Variants in SNTG1 observed in about 807,000 individuals in gnomAD.
SNTG1 encodes gamma-1-syntrophin.
A neutral mutation model predicts 74.7 loss-of-function variants in SNTG1; 39 were observed. The ratio of observed to expected loss-of-function variants is 0.52; its 90% CI spans 0.40 to 0.68. The LOEUF (loss-of-function observed/expected upper bound fraction) is 0.68. SNTG1 is among the 30% of genes least tolerant of loss of function. The probability of loss-of-function intolerance (pLI) is 0.00; values close to 1 mark genes in which losing one functional copy is unlikely to be tolerated. For missense variants in SNTG1, 685 were observed against 609.5 expected, an observed-to-expected ratio of 1.12 and a Z score of -1.30; for synonymous variants, 254 against 217.1, an observed-to-expected ratio of 1.17 and a Z score of -1.49.
At chr8:50,419,395 G>C (rs2093053730) in intron 4 of SNTG1, among the ~76,000 whole-genome samples, 1 of 152,136 alleles carries the variant, frequency 6.6e-6, no homozygotes, top group South Asian at 2.1e-4. Context: ...GTGGTATTAG[G>C]GAAATCATAA....
At chr8:50,063,864 T>C (rs1018371379) in intron 1 of SNTG1, among the ~76,000 whole-genome samples, 5 of 152,340 alleles carry the variant, frequency 3.3e-5, no homozygotes, top group African/African-American at 1.2e-4. Flanking sequence ...TTGTTATAGA[T>C]GTCAGTGATG....
chr8:50,741,326 T>G (rs1484089005), intron 17 of SNTG1, among the ~76,000 whole-genome samples: 1 of 152,054 alleles, frequency 6.6e-6, no homozygotes, highest in Non-Finnish European at 1.5e-5. Flanking sequence ...TTTCGCCATG[T>G]TGGCCAGGCT....
At chr8:50,331,232 T>C (rs1368074253) in intron 2 of SNTG1, among the ~76,000 whole-genome samples, 5 of 152,130 alleles carry the variant, frequency 3.3e-5, no homozygotes, top group Non-Finnish European at 7.3e-5. Context: ...GCTTGTTGTA[T>C]TTTTTACTAA....
At chr8:50,070,316 T>G (rs1296953103) in intron 1 of SNTG1, among the ~76,000 whole-genome samples, 1 of 152,166 alleles carries the variant, frequency 6.6e-6, no homozygotes, top group Non-Finnish European at 1.5e-5. Context: ...GTGGCTCCCA[T>G]AATTTAAAAA....
intron 10 of SNTG1, among the ~76,000 whole-genome samples, chr8:50,535,102 A>G (rs1488630812): frequency 6.6e-6 from 1 of 152,164 alleles, no homozygotes; most frequent in Admixed American, 6.5e-5. Context: ...TTTTAGATAT[A>G]TTGAAAATAG....
intron 1 of SNTG1, among the ~76,000 whole-genome samples, chr8:50,133,457 C>T (rs1269931372): frequency 6.6e-6 from 1 of 152,150 alleles, no homozygotes; most frequent in Non-Finnish European, 1.5e-5. Context: ...AGCTCCCTTC[C>T]TTTGGTACTA....
chr8:50,072,176 T>A (rs1164969348), intron 1 of SNTG1, among the ~76,000 whole-genome samples: 2 of 152,202 alleles, frequency 1.3e-5, no homozygotes, highest in African/African-American at 4.8e-5. Context: ...GGACAAGTAA[T>A]ATGTTTCTTG....
At chr8:50,086,552 G>A (rs1364134836) in intron 1 of SNTG1, among the ~76,000 whole-genome samples, 1 of 152,082 alleles carries the variant, frequency 6.6e-6, no homozygotes, top group Admixed American at 6.6e-5. Flanking sequence ...ATGAATGTCT[G>A]TATCATTTAT....
At chr8:50,635,213 G>A (rs1218394598) in intron 13 of SNTG1, among the ~76,000 whole-genome samples, 3 of 152,000 alleles carry the variant, frequency 2.0e-5, no homozygotes, top group Non-Finnish European at 2.9e-5. Context: ...ACTGCCCCTG[G>A]GACTCAATAC....
intron 11 of SNTG1, 46 bp downstream of exon 11, chr8:50,536,854 G>A (rs777521717): frequency 6.2e-7 from 1 of 1,602,560 alleles, no homozygotes; most frequent in Non-Finnish European, 8.5e-7. Flanking sequence ...TATGAAAAAA[G>A]AGACCTTTTA....
At chr8:50,127,117 T>C (rs1007779565) in intron 1 of SNTG1, among the ~76,000 whole-genome samples, 1 of 152,104 alleles carries the variant, frequency 6.6e-6, no homozygotes, top group Non-Finnish European at 1.5e-5. Context: ...TGTGTCCTAC[T>C]GATTCTTTAA....
chr8:50,519,006 G>C (rs1484930398), intron 9 of SNTG1, among the ~76,000 whole-genome samples: 2 of 152,086 alleles, frequency 1.3e-5, no homozygotes, highest in Non-Finnish European at 2.9e-5. Context: ...AACAAAAAAA[G>C]AAAATTGCAG....
Position 50,400,122 on chromosome 8 carries a change from C to T in SNTG1, c.28-2088C>T, listed in dbSNP as rs189991708. Reference sequence around the variant, plus strand: ...AAATATATTCCCATCAATATTACAGCGGATTCTTTTAAAGTAGCAGACTCC... The same window carrying T: ...AAATATATTCCCATCAATATTACAGTGGATTCTTTTAAAGTAGCAGACTCC... On this transcript the variant is annotated intron_variant, in intron 3 of 18. Coordinates refer to ENST00000642720, the MANE Select transcript of SNTG1 (RefSeq NM_018967.5). Among the ~76,000 whole-genome samples, 240 of 152,234 alleles carry T rather than the reference C, an allele frequency of 1.6e-3. 2 individuals carry two copies. The highest frequency in any genetic ancestry group is 0.01 in the Middle Eastern group (3 of 294).
At chr8:50,673,779 C>A (rs1216312003) in intron 15 of SNTG1, among the ~76,000 whole-genome samples, 1 of 152,034 alleles carries the variant, frequency 6.6e-6, no homozygotes, top group Non-Finnish European at 1.5e-5. Context: ...ATGCTTCCAG[C>A]TTTTGCCCAT....
intron 2 of SNTG1, among the ~76,000 whole-genome samples, chr8:50,209,913 T>C (rs1329258979): frequency 6.6e-6 from 1 of 152,040 alleles, no homozygotes; most frequent in East Asian, 1.9e-4. Flanking sequence ...AGATGACTGG[T>C]AATAAGAAAC....
chr8:50,044,363 G>A (rs1818896831), intron 1 of SNTG1, among the ~76,000 whole-genome samples: 1 of 152,154 alleles, frequency 6.6e-6, no homozygotes, highest in South Asian at 2.1e-4. Context: ...AGACCTGCTT[G>A]TAAGAATCCT....
chr8:50,721,413 G>C (rs1398393732), intron 17 of SNTG1, among the ~76,000 whole-genome samples: 1 of 152,092 alleles, frequency 6.6e-6, no homozygotes, highest in Non-Finnish European at 1.5e-5. Context: ...ATAGCTTATG[G>C]GAAACTTTTC....
At chr8:50,402,984 C>T (rs1282185260) in intron 4 of SNTG1, among the ~76,000 whole-genome samples, 1 of 152,182 alleles carries the variant, frequency 6.6e-6, no homozygotes, top group Non-Finnish European at 1.5e-5. Flanking sequence ...GGCAGCATAG[C>T]TATGGAAGAC....
At chr8:50,741,556 C>G (rs971311769) in intron 17 of SNTG1, among the ~76,000 whole-genome samples, 1 of 152,066 alleles carries the variant, frequency 6.6e-6, no homozygotes, top group Non-Finnish European at 1.5e-5. Context: ...AAAGCTATGT[C>G]CTCACAAAAG....
Sources: allele counts gnomAD v4.1 joint callset (sites outside exome capture counted in the v4.1 genomes callset), GRCh38; gene constraint gnomAD v4.1.1; transcripts MANE v1.5; gene names NCBI Gene and HGNC (gene_info 2026-07-23, HGNC 2026-07-21).